CAMTA1: variants seen among roughly 807,000 people sequenced by gnomAD.
The protein encoded by CAMTA1 is calmodulin-binding transcription activator 1.
A neutral mutation model predicts 170.9 loss-of-function variants in CAMTA1; 27 were observed. The ratio of observed to expected loss-of-function variants is 0.16; its 90% CI spans 0.12 to 0.22. The LOEUF is 0.22. CAMTA1 is among the 10% of genes least tolerant of loss of function. The pLI is 1.00. For synonymous variants in CAMTA1, 833 were observed against 891.5 expected, an observed-to-expected ratio of 0.93 and a Z score of 1.17; for missense variants, 1,619 against 2,217.2, an observed-to-expected ratio of 0.73 and a Z score of 5.42.
chr1:7,453,322 C>T (rs1186526600), intron 5 of CAMTA1, among the ~76,000 whole-genome samples: 3 of 152,198 alleles, frequency 2.0e-5, no homozygotes, highest in Non-Finnish European at 4.4e-5. Context: ...CTCCCTGCAC[C>T]TCCCTCCCCA....
intron 3 of CAMTA1, among the ~76,000 whole-genome samples, chr1:6,955,930 G>A (rs911879631): frequency 2.0e-5 from 3 of 152,204 alleles, no homozygotes; most frequent in Admixed American, 6.5e-5. Flanking sequence ...CAGCAGCAGG[G>A]AGGGAAGCAT....
rs74051687 is a variant in CAMTA1, at chr1:7,251,676, A to G, written c.438+2050A>G. On this transcript the variant is annotated intron_variant, in intron 5 of 22. Coordinates refer to ENST00000303635, the MANE Select transcript of CAMTA1 (RefSeq NM_015215.4). The surrounding 1 kb of genome is among the most constrained non-coding windows in gnomAD (Gnocchi z 5.1). Reference sequence around the variant, plus strand: ...AGGAGTCATATTCTCTGCCCCACGGACTCATGGTCAAGTTGAAGAGGCTTG... The same window carrying G: ...AGGAGTCATATTCTCTGCCCCACGGGCTCATGGTCAAGTTGAAGAGGCTTG... 0.035 allele frequency among the ~76,000 whole-genome samples: 5,341 copies of G among 152,162 alleles called. 243 individuals carry two copies. The highest frequency in any genetic ancestry group is 0.11 in the African/African-American group (4,366 of 41,494).
intron 22 of CAMTA1, among the ~76,000 whole-genome samples, chr1:7,758,701 C>T (rs1181288821): frequency 6.6e-6 from 1 of 151,898 alleles, no homozygotes; most frequent in African/African-American, 2.4e-5. Context: ...TTTGGGAGGC[C>T]GAGGCGGGCG....
In CAMTA1 at chr1:7,443,254, G is replaced by A. The variant is rs756950034; in HGVS notation, c.439-24576G>A. 2.6e-5 allele frequency among the ~76,000 whole-genome samples: 4 copies of A among 152,226 alleles called. No individual in the cohort carries two copies. Among genetic ancestry groups the A allele is most frequent in the Admixed American group, 6.5e-5 (1 of 15,288 alleles). ...GCATGAAGTCCATTTCCCCACTTTCGTGGGGTACAGTCCCCTTGAGGCAGG... is the reference window on the plus strand; with the variant it reads ...GCATGAAGTCCATTTCCCCACTTTCATGGGGTACAGTCCCCTTGAGGCAGG... On this transcript the variant is annotated intron_variant, in intron 5 of 22. Coordinates refer to ENST00000303635, the MANE Select transcript of CAMTA1 (RefSeq NM_015215.4). The surrounding 1 kb of genome is among the most constrained non-coding windows in gnomAD (Gnocchi z 4.1).
intron 3 of CAMTA1, chr1:6,886,145 A>C (rs867356001): frequency 8.9e-6 from 4 of 449,084 alleles, no homozygotes; most frequent in African/African-American, 6.0e-5. Context: ...GGATGGGGGA[A>C]GTGACAGTGG....
chr1:7,016,711 T>G (rs1700596248), intron 3 of CAMTA1, among the ~76,000 whole-genome samples: 1 of 152,086 alleles, frequency 6.6e-6, no homozygotes, highest in Non-Finnish European at 1.5e-5. Flanking sequence ...GGCAGACACC[T>G]GTAATCCCAG....
At chr1:6,980,916 GA>G (rs1225337398) in intron 3 of CAMTA1, among the ~76,000 whole-genome samples, 9 of 152,178 alleles carry the variant, frequency 5.9e-5, no homozygotes, top group African/African-American at 2.2e-4. Flanking sequence ...CAGAGGATAC[GA>G]GATTGAGCCT....
At position 7,458,510 on chromosome 1, in the gene CAMTA1, A is replaced by T. The variant is rs1047160934; in HGVS notation, c.439-9320A>T. ...CAGGACCAGCCAGAATGCCAAGCCA[A>T]GGGACGGCTACTCTCCCAGGGAGCC... On this transcript the variant is annotated intron_variant, in intron 5 of 22. Coordinates refer to ENST00000303635, the MANE Select transcript of CAMTA1 (RefSeq NM_015215.4). 2.4e-3 allele frequency among the ~76,000 whole-genome samples: 363 copies of T among 152,296 alleles called. 15 individuals carry two copies. The East Asian group carries it at 0.066, about 28-fold the overall frequency.
intron 5 of CAMTA1, among the ~76,000 whole-genome samples, chr1:7,318,413 TG>T (rs1335106225): frequency 6.6e-6 from 1 of 152,122 alleles, no homozygotes; most frequent in Non-Finnish European, 1.5e-5. Context: ...TAACAGGGAA[TG>T]GGAGGCGAAG....
At chr1:7,765,887 T>TGTG (rs2097018415) in intron 22 of CAMTA1, among the ~76,000 whole-genome samples, 1 of 151,150 alleles carries the variant, frequency 6.6e-6, no homozygotes, top group South Asian at 2.1e-4. Flanking sequence ...ATTAGCCGGG[T>TGTG]GTGGTGGCGG....
intron 11 of CAMTA1, among the ~76,000 whole-genome samples, chr1:7,715,340 T>G (rs1354800441): frequency 6.6e-6 from 1 of 152,120 alleles, no homozygotes; most frequent in Non-Finnish European, 1.5e-5. Flanking sequence ...ATTTAACCAT[T>G]CCGTCAACCA....
At chr1:7,357,899 A>T (rs1278105701) in intron 5 of CAMTA1, among the ~76,000 whole-genome samples, 1 of 152,170 alleles carries the variant, frequency 6.6e-6, no homozygotes, top group Non-Finnish European at 1.5e-5. Flanking sequence ...CTGGAATGAG[A>T]TAGGAGACCA....
intron 5 of CAMTA1, among the ~76,000 whole-genome samples, chr1:7,337,301 G>A (rs2083446015): frequency 6.6e-6 from 1 of 152,248 alleles, no homozygotes; most frequent in Non-Finnish European, 1.5e-5. Context: ...GAGGTTAGGA[G>A]AGGGCGTGTC....
At chr1:7,591,624 C>T (rs552849884) in intron 6 of CAMTA1, among the ~76,000 whole-genome samples, 50 of 152,362 alleles carry the variant, frequency 3.3e-4, no homozygotes, top group Non-Finnish European at 6.0e-4. Context: ...GGGTCAGTGG[C>T]CACTAGAATC....
intron 6 of CAMTA1, among the ~76,000 whole-genome samples, chr1:7,559,804 C>G (rs901227049): frequency 1.1e-4 from 16 of 152,112 alleles, no homozygotes; most frequent in African/African-American, 3.9e-4. Flanking sequence ...GCATCCTCCT[C>G]CCTAGATCTG....
chr1:7,249,533 G>A lies in CAMTA1; in HGVS notation c.345G>A (p.Val115=), dbSNP rs753104611. 12 of 1,613,948 alleles carry A rather than the reference G, an allele frequency of 7.4e-6. No individual in the cohort carries two copies. In the Admixed American group the frequency reaches 1.5e-4, roughly 20 times the overall value. Residue 115 remains valine (V), a synonymous_variant, in exon 5 of 23, where the codon GTG becomes GTA. Transcript: ENST00000303635. The surrounding 1 kb of genome is among the most constrained non-coding windows in gnomAD (Gnocchi z 4.4). ...GSMILYNRKK[V]KYRKDGYCWK... is the part of the protein sequence containing the mutation. ...TGATACTCTACAACAGGAAGAAAGT[G>A]AAATACAGGAAAGATGGGTATTGCT...
At chr1:6,855,243 G>A (rs899675288) in intron 3 of CAMTA1, among the ~76,000 whole-genome samples, 21 of 152,026 alleles carry the variant, frequency 1.4e-4, no homozygotes, top group African/African-American at 4.3e-4. Flanking sequence ...TCAGGAGAGA[G>A]AAACCAGTTG....
chr1:6,979,714 A>G (rs750058088), intron 3 of CAMTA1, among the ~76,000 whole-genome samples: 6 of 152,152 alleles, frequency 3.9e-5, no homozygotes, highest in Non-Finnish European at 8.8e-5. Flanking sequence ...GAAAACTAAA[A>G]ATCATGAAGC....
chr1:7,398,175 CTCTCTCTCTCTCTCTCTCTA>C (rs2089496535), intron 5 of CAMTA1, among the ~76,000 whole-genome samples: 4 of 40,564 alleles, frequency 9.9e-5, no homozygotes, highest in Admixed American at 3.6e-4. Context: ...CTCTCTCTCT[CTCTCTCTCTCTCTCTCTCTA>C]TATATATATA....
Sources: gnomAD v4.1 joint callset for allele counts (sites outside exome capture counted in the v4.1 genomes callset) on GRCh38, gnomAD v4.1.1 for gene constraint, Gnocchi (gnomAD v3.1) non-coding constraint, MANE v1.5 for transcripts, NCBI Gene and HGNC (gene_info 2026-07-23, HGNC 2026-07-21) for gene names.